PHACTR1: variants seen among roughly 807,000 people sequenced by gnomAD.
PHACTR1 encodes RPEL repeat containing 1.
A neutral mutation model predicts 69.2 loss-of-function variants in PHACTR1; 16 were observed. That is an observed-to-expected ratio of 0.23 (90% CI 0.16 to 0.35). The LOEUF (loss-of-function observed/expected upper bound fraction) is 0.35, where lower values mean the gene tolerates loss of function less well. PHACTR1 is among the 10% of genes least tolerant of loss of function. PHACTR1 has a pLI of 1.00. For synonymous variants in PHACTR1, 312 were observed against 284.5 expected, an observed-to-expected ratio of 1.10 and a Z score of -0.97; for missense variants, 510 against 734.7, an observed-to-expected ratio of 0.69 and a Z score of 3.54.
chr6:13,253,025 TG>T, intron 10 of PHACTR1: 1 of 455,038 alleles, frequency 2.2e-6, no homozygotes, highest in Non-Finnish European at 4.4e-6. Context: ...GAAGAGACTT[TG>T]GGAGACAGCT....
intron 4 of PHACTR1, among the ~76,000 whole-genome samples, chr6:13,009,470 C>T (rs1226002381): frequency 6.6e-6 from 1 of 151,948 alleles, no homozygotes; most frequent in East Asian, 1.9e-4. Context: ...ATTGCTTTGC[C>T]CTGTGTTGAC....
At position 12,815,555 on chromosome 6, in the gene PHACTR1, T is replaced by C. The variant is rs140111722; in HGVS notation, c.250+65765T>C. ...TGGGAAAGGAAGAAAATAATCATCC[T>C]CCCCTTTTTATTGAGTGTGAGTTGG... On this transcript the variant is annotated intron_variant, in intron 4 of 14. Transcript: ENST00000332995. Among the ~76,000 whole-genome samples, 341 of 152,316 alleles carry C rather than the reference T, an allele frequency of 2.2e-3. 2 individuals are homozygous for C. Among genetic ancestry groups the C allele is most frequent in the Non-Finnish European group, 3.9e-3 (267 of 68,024 alleles).
intron 4 of PHACTR1, among the ~76,000 whole-genome samples, chr6:12,884,336 G>A (rs185229793): frequency 1.3e-5 from 2 of 151,870 alleles, no homozygotes; most frequent in Admixed American, 1.3e-4. Context: ...TTGGTTGAAG[G>A]GATCATATAC....
At chr6:13,021,619 G>A (rs1800983896) in intron 4 of PHACTR1, among the ~76,000 whole-genome samples, 1 of 152,140 alleles carries the variant, frequency 6.6e-6, no homozygotes, top group African/African-American at 2.4e-5. Context: ...CAAACTGGCT[G>A]CCCCATTTTA....
At chr6:12,729,474 G>A (rs1581455402) in intron 3 of PHACTR1, among the ~76,000 whole-genome samples, 1 of 152,284 alleles carries the variant, frequency 6.6e-6, no homozygotes, top group Admixed American at 6.5e-5. Flanking sequence ...GAACAGGCAT[G>A]GGAAGAGGGT....
At chr6:12,799,273 G>A (rs901277536) in intron 4 of PHACTR1, among the ~76,000 whole-genome samples, 3 of 152,110 alleles carry the variant, frequency 2.0e-5, no homozygotes, top group Non-Finnish European at 2.9e-5. Context: ...TACAAGGCGA[G>A]GTCATACATC....
intron 4 of PHACTR1, among the ~76,000 whole-genome samples, chr6:12,958,987 G>A (rs531611326): frequency 1.3e-5 from 2 of 152,094 alleles, no homozygotes; most frequent in East Asian, 3.9e-4. Context: ...GACCAGCCTG[G>A]CCAACATGGT....
chr6:13,194,698 T>C (rs1386074335), intron 7 of PHACTR1, among the ~76,000 whole-genome samples: 1 of 152,222 alleles, frequency 6.6e-6, no homozygotes, highest in Non-Finnish European at 1.5e-5. Flanking sequence ...AGGTGATGGA[T>C]TTGTTAATTA....
chr6:13,228,899 G>A (rs1184783125), intron 9 of PHACTR1, among the ~76,000 whole-genome samples: 1 of 152,242 alleles, frequency 6.6e-6, no homozygotes, highest in Non-Finnish European at 1.5e-5. Context: ...GAGGAAGAAA[G>A]AAGAAAAGCA....
At chr6:12,982,271 C>A (rs1285913643) in intron 4 of PHACTR1, among the ~76,000 whole-genome samples, 1 of 152,200 alleles carries the variant, frequency 6.6e-6, no homozygotes, top group Non-Finnish European at 1.5e-5. Context: ...TAGAACTGCC[C>A]AGGTTCTAGT....
intron 4 of PHACTR1, among the ~76,000 whole-genome samples, chr6:12,952,563 C>T (rs1791425409): frequency 6.6e-6 from 1 of 152,162 alleles, no homozygotes; most frequent in Non-Finnish European, 1.5e-5. Flanking sequence ...CATTTGCTTT[C>T]AATGCTAAAT....
At chr6:13,082,180 C>A (rs1393922224) in intron 5 of PHACTR1, among the ~76,000 whole-genome samples, 4 of 152,108 alleles carry the variant, frequency 2.6e-5, no homozygotes, top group East Asian at 1.9e-4. Context: ...TGCCTTCATC[C>A]TTTTTCCTTC....
At chr6:13,161,690 C>G (rs943416200) in intron 6 of PHACTR1, among the ~76,000 whole-genome samples, 1 of 152,134 alleles carries the variant, frequency 6.6e-6, no homozygotes, top group Non-Finnish European at 1.5e-5. Context: ...CTTTCAGACT[C>G]CACTGTTTTG....
At chr6:13,145,228 AG>A (rs1823151063) in intron 5 of PHACTR1, among the ~76,000 whole-genome samples, 1 of 152,226 alleles carries the variant, frequency 6.6e-6, no homozygotes, top group Admixed American at 6.5e-5. Flanking sequence ...ATGACTCTTG[AG>A]AAGTAGCTGA....
intron 7 of PHACTR1, among the ~76,000 whole-genome samples, chr6:13,199,418 G>T (rs1764902524): frequency 7.0e-6 from 1 of 142,674 alleles, no homozygotes; most frequent in South Asian, 2.2e-4. Flanking sequence ...AAAAACATTG[G>T]CATCTTGAAA....
Position 13,077,743 on chromosome 6 carries a change from G to A in PHACTR1, c.415+24214G>A, listed in dbSNP as rs1287494223. Among the ~76,000 whole-genome samples the A allele has an allele frequency of 2.0e-5, 3 of 152,112 alleles. No individual in the cohort carries two copies. In the South Asian group the frequency reaches 6.2e-4, roughly 31 times the overall value. ...CAGGGAGGCTAGTTAGGGGGCTATC[G>A]TAGCAGTCTAGGCAAGAGACATTGG... On this transcript the variant is annotated intron_variant, in intron 5 of 14. Coordinates refer to ENST00000332995, the MANE Select transcript of PHACTR1 (RefSeq NM_030948.6).
intron 5 of PHACTR1, among the ~76,000 whole-genome samples, chr6:13,120,425 T>G (rs1818528350): frequency 6.6e-6 from 1 of 152,196 alleles, no homozygotes; most frequent in African/African-American, 2.4e-5. Flanking sequence ...AGGAAAATGA[T>G]GATCTTAAAT....
intron 4 of PHACTR1, among the ~76,000 whole-genome samples, chr6:12,890,906 A>G (rs1784110675): frequency 6.6e-6 from 1 of 152,104 alleles, no homozygotes; most frequent in South Asian, 2.1e-4. Context: ...TGTAAGTTTG[A>G]TGAGACCAGA....
Position 13,227,894 on chromosome 6 carries a change from A to G in PHACTR1, c.1065A>G (p.Gly355=). The G allele has an allele frequency of 6.2e-7, 1 of 1,614,014 alleles. No individual in the cohort carries two copies. The highest frequency in any genetic ancestry group is 2.2e-5 in the East Asian group (1 of 44,886). The part of the protein sequence containing the change: ...LHSGDGVTKA[G]PMGLPEIRQV... ...CGGGTGATGGGGTCACCAAAGCAGGACCTATGGGCCTTCCAGAAATAAGAC... is the reference window on the plus strand; with the variant it reads ...CGGGTGATGGGGTCACCAAAGCAGGGCCTATGGGCCTTCCAGAAATAAGAC... Residue 355 remains glycine, a synonymous_variant, in exon 9 of 15, where the codon GGA becomes GGG. Coordinates refer to ENST00000332995, the MANE Select transcript of PHACTR1 (RefSeq NM_030948.6).
Sources: allele counts gnomAD v4.1 joint callset (sites outside exome capture counted in the v4.1 genomes callset), GRCh38; gene constraint gnomAD v4.1.1; transcripts MANE v1.5; gene names NCBI Gene and HGNC (gene_info 2026-07-23, HGNC 2026-07-21).